Variants in CHERP observed in about 807,000 individuals in gnomAD.
CHERP encodes calcium homeostasis endoplasmic reticulum protein.
In CHERP, 8 loss-of-function variants were observed where a neutral mutation model predicts 113.8. The observed-to-expected ratio is 0.07, with a 90% confidence interval of 0.04 to 0.13. CHERP has a LOEUF of 0.13. CHERP is among the 10% of genes least tolerant of loss of function. The probability of loss-of-function intolerance (pLI) is 1.00; values close to 1 mark genes in which losing one functional copy is unlikely to be tolerated. For missense variants in CHERP, 884 were observed against 1,298.2 expected (o/e 0.68, Z 4.90); for synonymous variants, 559 against 524.5 (o/e 1.07, Z -0.90).
Position 16,533,130 on chromosome 19 carries a change from C to T in CHERP, c.403G>A (p.Val135Met), listed in dbSNP as rs748173203. The T allele has an allele frequency of 5.0e-6, 8 of 1,586,588 alleles. No homozygotes were observed. The highest frequency in any genetic ancestry group is 1.8e-5 in the Admixed American group (1 of 54,978). The change falls in exon 4 of 17, where the codon GTG becomes ATG. Residue 135 changes from valine (V) to methionine (M), a missense_variant. Physicochemically the swap from Val to Met is conservative, Grantham distance 21 (BLOSUM62 1). Around this residue, in one of 8 missense-constraint regions of CHERP, gnomAD observed 109 missense variants for 134.2 expected, o/e 0.81. Transcript: ENST00000546361. Reference sequence around the variant, plus strand: ...ATCTGCTGCTCCACCGCGTGGGCCACGGCCGCTGTCACTTGCTCCTGCGGG... The same window carrying T: ...ATCTGCTGCTCCACCGCGTGGGCCATGGCCGCTGTCACTTGCTCCTGCGGG... Reference protein sequence around the residue: ...ALRQEQVTAAVAHAVEQQMQK... With the variant: ...ALRQEQVTAAMAHAVEQQMQK...
In CHERP at chr19:16,530,900, C is replaced by T. The variant is rs907070753; in HGVS notation, c.675-20G>A. On this transcript the variant is annotated intron_variant, in intron 5 of 16. Coordinates refer to ENST00000546361, the MANE Select transcript of CHERP (RefSeq NM_006387.6). The surrounding 1 kb of genome is among the most constrained non-coding windows in gnomAD (Gnocchi z 4.1). ...CGCTGGCTGTGAGGGAGAGACTTTCCGCGCGTCAGGGCCCTGGGGCGGGAC... is the reference window on the plus strand; with the variant it reads ...CGCTGGCTGTGAGGGAGAGACTTTCTGCGCGTCAGGGCCCTGGGGCGGGAC... 20 of 1,610,488 alleles carry T rather than the reference C, an allele frequency of 1.2e-5. No individual in the cohort carries two copies. Among genetic ancestry groups the T allele is most frequent in the African/African-American group, 5.3e-5 (4 of 74,924 alleles).
Position 16,525,748 on chromosome 19 carries a change from G to A in CHERP, c.1306-71C>T. The stretch of plus-strand genomic sequence containing the variant: ...AGTGCTCGGCAGCATCACAGCGCTC[G>A]GCAGCATCACAGCGCTGGCTCAGAC... On this transcript the variant is annotated intron_variant, in intron 9 of 16. Transcript: ENST00000546361. The surrounding 1 kb of genome is among the most constrained non-coding windows in gnomAD (Gnocchi z 6.5). The A allele has an allele frequency of 2.2e-6, 3 of 1,351,738 alleles. No homozygotes were observed. Among genetic ancestry groups the A allele is most frequent in the Non-Finnish European group, 2.9e-6 (3 of 1,026,326 alleles). 83.7% of individuals were successfully genotyped at this position (1,351,738 alleles called of 1,614,324 possible).
chr19:16,538,654 G>C (rs1046194593), intron 2 of CHERP, among the ~76,000 whole-genome samples: 29 of 151,946 alleles, frequency 1.9e-4, no homozygotes, highest in Admixed American at 1.6e-3. Flanking sequence ...CTGTACTCCA[G>C]CCTGGGCAAC....
At position 16,525,721 on chromosome 19, in the gene CHERP, C is replaced by T. The variant is rs759028445; in HGVS notation, c.1306-44G>A. ...GCTTGAGCCCTGCGTGGTCTAGGCC[C>T]TAGTGCTCGGCAGCATCACAGCGCT... On this transcript the variant is annotated intron_variant, in intron 9 of 16. Coordinates refer to ENST00000546361, the MANE Select transcript of CHERP (RefSeq NM_006387.6). The surrounding 1 kb of genome is among the most constrained non-coding windows in gnomAD (Gnocchi z 6.5). 1.4e-6 allele frequency: 2 copies of T among 1,424,560 alleles called. No homozygotes were observed. The highest frequency in any genetic ancestry group is 2.6e-5 in the East Asian group (1 of 38,402). 88.2% of individuals were successfully genotyped at this position (1,424,560 alleles called of 1,614,324 possible).
Position 16,531,388 on chromosome 19 carries a change from C to T in CHERP, c.675-508G>A, listed in dbSNP as rs145335545. ...TTTAGAAGAGTGACCGGATGCCCAG[C>T]GGGGGGAGGCGCCGGGCCCATGTCC... On this transcript the variant is annotated intron_variant, in intron 5 of 16. Transcript: ENST00000546361. Among the ~76,000 whole-genome samples the T allele has an allele frequency of 4.2e-3, 632 of 152,256 alleles. 3 individuals carry two copies. Among genetic ancestry groups the T allele is most frequent in the African/African-American group, 0.014 (583 of 41,570 alleles).
In CHERP at chr19:16,523,182, T is replaced by C. The variant is rs1568505463; in HGVS notation, c.1850A>G (p.His617Arg). The C allele has an allele frequency of 1.3e-6, 2 of 1,569,012 alleles. No homozygotes were observed. Among genetic ancestry groups the C allele is most frequent in the South Asian group, 1.1e-5 (1 of 87,024 alleles). ...PQHPDFGPPP[H>R]GFNGQPPHMR... ...GTGTGGGGGCTGCCCGTTGAAGCCA[T>C]GGGGGGGAGGGCCGAAGTCAGGGTG... is the stretch of plus-strand genomic sequence containing the variant. The change falls in exon 11 of 17, where the codon CAT becomes CGT. Residue 617 changes from histidine (H) to arginine (R), a missense_variant. His to Arg is a conservative substitution (Grantham distance 29). Coordinates refer to ENST00000546361, the MANE Select transcript of CHERP (RefSeq NM_006387.6). This position sits in a 1 kb window ranked among gnomAD's most constrained non-coding sequence, Gnocchi z 4.0.
rs767815823 is a variant in CHERP at position 16,519,278 on chromosome 19, C to T, written c.2632G>A (p.Asp878Asn). 3 of 1,614,070 alleles carry T rather than the reference C, an allele frequency of 1.9e-6. No individual in the cohort carries two copies. Among genetic ancestry groups the T allele is most frequent in the Non-Finnish European group, 2.5e-6 (3 of 1,180,040 alleles). ...ACGCCTTTATACTGGTCCCACTTAT[C>T]CCGGACGTCCCCGCCCTTGATGGGG... ...QDPIKGGDVRDKWDQYKGVGV... is the reference protein window; with the variant it reads ...QDPIKGGDVRNKWDQYKGVGV... Residue 878 changes from aspartate (D) to asparagine (N), a missense_variant, in exon 17 of 17, where the codon GAT (aspartate) becomes AAT (asparagine). By Grantham distance (23) the Asp-to-Asn change is conservative. Transcript: ENST00000546361. The surrounding 1 kb of genome is among the most constrained non-coding windows in gnomAD (Gnocchi z 6.0).
rs572973217 is a variant in CHERP at position 16,535,530 on chromosome 19, C to T, written c.306G>A (p.Ala102=). ...PAAPIPPAQG[A]PSMDELIQQS... is the part of the protein sequence containing the mutation. Reference sequence around the variant, plus strand: ...GCTGGATGAGCTCGTCCATGGATGGCGCGCCCTGGGCCGGCGGGATGGGCG... The same window carrying T: ...GCTGGATGAGCTCGTCCATGGATGGTGCGCCCTGGGCCGGCGGGATGGGCG... Residue 102 remains alanine (A), a synonymous_variant, in exon 3 of 17, where the codon GCG becomes GCA. Transcript: ENST00000546361. The surrounding 1 kb of genome is among the most constrained non-coding windows in gnomAD (Gnocchi z 4.3). 1.9e-5 allele frequency: 31 copies of T among 1,602,070 alleles called. No homozygotes were observed. The highest frequency in any genetic ancestry group is 5.1e-5 in the Admixed American group (3 of 58,408).
In CHERP at chr19:16,535,338, G is replaced by A. The variant is rs548004513; in HGVS notation, c.384+114C>T. ...GGCTGACATGCACCGAGCCCTGGGTGGCAGGGGGGGCCCTGTCCTCACTGA... is the reference window on the plus strand; with the variant it reads ...GGCTGACATGCACCGAGCCCTGGGTAGCAGGGGGGGCCCTGTCCTCACTGA... On this transcript the variant is annotated intron_variant, in intron 3 of 16. Transcript: ENST00000546361. The surrounding 1 kb of genome is among the most constrained non-coding windows in gnomAD (Gnocchi z 4.3). 2.7e-5 allele frequency: 30 copies of A among 1,124,734 alleles called. No individual in the cohort carries two copies. The highest frequency in any genetic ancestry group is 3.5e-5 in the Non-Finnish European group (28 of 789,934). 69.7% of individuals were successfully genotyped at this position (1,124,734 alleles called of 1,614,324 possible). A position where few individuals can be genotyped will look rare whatever the true frequency, so the allele number is the denominator to read the frequency against.
In CHERP at chr19:16,523,707, TAA is replaced by T. The variant is rs1282368248; in HGVS notation, c.1742-419_1742-418del. 6.6e-6 allele frequency among the ~76,000 whole-genome samples: 1 copy of T among 151,710 alleles called. No homozygotes were observed. The highest frequency in any genetic ancestry group is 1.9e-4 in the East Asian group (1 of 5,144). On this transcript the variant is annotated intron_variant, in intron 10 of 16. Coordinates refer to ENST00000546361, the MANE Select transcript of CHERP (RefSeq NM_006387.6). The surrounding 1 kb of genome is among the most constrained non-coding windows in gnomAD (Gnocchi z 4.0). ...TCCAACGTGACTGTTGCCGTTATAA[TAA>T]GAGATTAGGACACAGACATGTAGAG...
At chr19:16,521,697 C>T in intron 11 of CHERP, 43 bp from the exon 12 acceptor site, 1 of 1,503,976 alleles carries the variant, frequency 6.6e-7, no homozygotes, top group Non-Finnish European at 8.9e-7. Flanking sequence ...TGGGCAGAGC[C>T]CTCTCAGGCC....
rs1239822088 is a variant in CHERP at position 16,518,901 on chromosome 19, T to A, written c.*258A>T. On this transcript the variant is annotated 3_prime_UTR_variant, in exon 17 of 17. Transcript: ENST00000546361. ...GAGGGTCTTGTGTTTTTTGCTTCGC[T>A]ATAAAGGAAAACGAGCCTGGGGCCC... 2 of 529,788 alleles carry A rather than the reference T, an allele frequency of 3.8e-6. No individual in the cohort carries two copies. Among genetic ancestry groups the A allele is most frequent in the South Asian group, 2.4e-5 (1 of 42,184 alleles). The allele number at this position is 529,788 out of a possible 1,614,324, so 32.8% of individuals were successfully genotyped here.
chr19:16,523,111 G>A lies in CHERP; in HGVS notation c.1921C>T (p.Leu641=), dbSNP rs770349359. 2.6e-6 allele frequency: 4 copies of A among 1,547,484 alleles called. No homozygotes were observed. Among genetic ancestry groups the A allele is most frequent in the Non-Finnish European group, 2.6e-6 (3 of 1,149,750 alleles). ...TCGAAGTAGGGCACATTGGGGACCA[G>A]GCTGGGGTCATCGTGGTTGATGTGG... ...PPHINHDDPS[L]VPNVPYFDLP... Residue 641 remains leucine (L), a synonymous_variant, in exon 11 of 17, where the codon CTG becomes TTG. Coordinates refer to ENST00000546361, the MANE Select transcript of CHERP (RefSeq NM_006387.6). This position sits in a 1 kb window ranked among gnomAD's most constrained non-coding sequence, Gnocchi z 4.0.
In CHERP at chr19:16,532,379, A is replaced by C. The variant is rs1167053677; in HGVS notation, c.674+219T>G. ...GAGGCCGGGGTCTAGGGGAGAGGACAGGGCATGCAGCGAAGGTGCACAGGA... is the reference window on the plus strand; with the variant it reads ...GAGGCCGGGGTCTAGGGGAGAGGACCGGGCATGCAGCGAAGGTGCACAGGA... On this transcript the variant is annotated intron_variant, in intron 5 of 16. Transcript: ENST00000546361. This position sits in a 1 kb window ranked among gnomAD's most constrained non-coding sequence, Gnocchi z 4.4. The C allele has an allele frequency of 1.8e-6, 1 of 563,092 alleles. No homozygotes were observed. The highest frequency in any genetic ancestry group is 3.1e-6 in the Non-Finnish European group (1 of 321,684). The allele number at this position is 563,092 out of a possible 1,614,324, so 34.9% of individuals were successfully genotyped here.
chr19:16,525,745 C>T lies in CHERP; in HGVS notation c.1306-68G>A. ...CCTAGTGCTCGGCAGCATCACAGCG[C>T]TCGGCAGCATCACAGCGCTGGCTCA... On this transcript the variant is annotated intron_variant, in intron 9 of 16. Transcript: ENST00000546361. The surrounding 1 kb of genome is among the most constrained non-coding windows in gnomAD (Gnocchi z 6.5). 7.3e-7 allele frequency: 1 copy of T among 1,368,908 alleles called. No homozygotes were observed. Among genetic ancestry groups the T allele is most frequent in the South Asian group, 1.6e-5 (1 of 64,344 alleles). 84.8% of individuals were successfully genotyped at this position (1,368,908 alleles called of 1,614,324 possible).
Position 16,532,899 on chromosome 19 carries a change from G to A in CHERP, c.522+112C>T, listed in dbSNP as rs897373955. On this transcript the variant is annotated intron_variant, in intron 4 of 16. Coordinates refer to ENST00000546361, the MANE Select transcript of CHERP (RefSeq NM_006387.6). The surrounding 1 kb of genome is among the most constrained non-coding windows in gnomAD (Gnocchi z 4.4). ...TCCCACAGCCTCAGGAGCTCCAGGC[G>A]GGAGGGAAGGGCACCCATTGTAACA... 75 of 1,505,984 alleles carry A rather than the reference G, an allele frequency of 5.0e-5. No homozygotes were observed. The highest frequency in any genetic ancestry group is 1.7e-4 in the Middle Eastern group (1 of 5,770). 93.3% of individuals were successfully genotyped at this position (1,505,984 alleles called of 1,614,324 possible).
At position 16,530,492 on chromosome 19, in the gene CHERP, C is replaced by T; in HGVS notation, c.876+93G>A. 1 of 1,159,862 alleles carries T rather than the reference C, an allele frequency of 8.6e-7. No homozygotes were observed. The highest frequency in any genetic ancestry group is 1.5e-5 in the African/African-American group (1 of 66,114). 71.8% of individuals were successfully genotyped at this position (1,159,862 alleles called of 1,614,324 possible). On this transcript the variant is annotated intron_variant, in intron 7 of 16. Coordinates refer to ENST00000546361, the MANE Select transcript of CHERP (RefSeq NM_006387.6). This position sits in a 1 kb window ranked among gnomAD's most constrained non-coding sequence, Gnocchi z 4.1. ...GCAGGGGACATGGGCTCTCTGGCTG[C>T]TGGGGTGGCAGCTGCTGTCCCCACA...
At chr19:16,536,868 C>T (rs762027644) in intron 2 of CHERP, among the ~76,000 whole-genome samples, 14 of 152,034 alleles carry the variant, frequency 9.2e-5, no homozygotes, top group South Asian at 2.1e-4. Flanking sequence ...AAAAATTAGT[C>T]GGGCGTGGTG....
rs1310351954 is a variant in CHERP at position 16,535,700 on chromosome 19, C to T, written c.200-64G>A. 1.3e-5 allele frequency: 18 copies of T among 1,403,050 alleles called. No individual in the cohort carries two copies. In the East Asian group the frequency reaches 4.5e-4, roughly 35 times the overall value. 86.9% of individuals were successfully genotyped at this position (1,403,050 alleles called of 1,614,324 possible). On this transcript the variant is annotated intron_variant, in intron 2 of 16. Coordinates refer to ENST00000546361, the MANE Select transcript of CHERP (RefSeq NM_006387.6). This position sits in a 1 kb window ranked among gnomAD's most constrained non-coding sequence, Gnocchi z 4.3. Reference sequence around the variant, plus strand: ...GATGGGGGTCTAGGTGTCCCCTTGGCCACCTCTCAGCCACAGGGGCCTCCC... The same window carrying T: ...GATGGGGGTCTAGGTGTCCCCTTGGTCACCTCTCAGCCACAGGGGCCTCCC...
Sources: allele counts gnomAD v4.1 joint callset (sites outside exome capture counted in the v4.1 genomes callset), GRCh38; gene constraint gnomAD v4.1.1; regional missense constraint gnomAD v4.1.1; non-coding constraint Gnocchi (gnomAD v3.1); transcripts MANE v1.5; gene names NCBI Gene and HGNC (gene_info 2026-07-23, HGNC 2026-07-21).